The following EPHB1 variants were observed in gnomAD, a reference collection of about 807,000 sequenced individuals.
EPHB1 encodes EPH receptor B1.
A neutral mutation model predicts 94.4 loss-of-function variants in EPHB1; 30 were observed. The ratio of observed to expected loss-of-function variants is 0.32; its 90% CI spans 0.24 to 0.43. The LOEUF is 0.43. EPHB1 is among the 20% of genes least tolerant of loss of function. The pLI is 1.00. For missense variants in EPHB1, 1,055 were observed against 1,308.3 expected, an observed-to-expected ratio of 0.81 and a Z score of 2.99; for synonymous variants, 522 against 489.1, an observed-to-expected ratio of 1.07 and a Z score of -0.89.
intron 3 of EPHB1, among the ~76,000 whole-genome samples, chr3:134,970,697 C>T (rs950505851): frequency 5.3e-5 from 8 of 152,134 alleles, no homozygotes; most frequent in Admixed American, 1.3e-4. Flanking sequence ...CTAGGCCACA[C>T]GGCTGCAGAG....
chr3:135,125,258 C>G (rs907068711), intron 4 of EPHB1, among the ~76,000 whole-genome samples: 1 of 151,616 alleles, frequency 6.6e-6, no homozygotes, highest in Admixed American at 6.6e-5. Flanking sequence ...TAAAACAGGG[C>G]AACTCTTGCA....
At position 135,076,261 on chromosome 3, in the gene EPHB1, A is replaced by ATATATATATATATATATATG. The variant is rs1553729687; in HGVS notation, c.806-30187_806-30186insTATATATATATATATATATG. Among the ~76,000 whole-genome samples the ATATATATATATATATATATG allele has an allele frequency of 1.4e-3, 156 of 112,540 alleles. 1 individual carries two copies. Among genetic ancestry groups the ATATATATATATATATATATG allele is most frequent in the East Asian group, 4.2e-3 (19 of 4,478 alleles). The allele number at this position is 112,540 out of a possible 152,430, so 73.8% of individuals were successfully genotyped here. The stretch of plus-strand genomic sequence containing the variant: ...TATATATATATATATATATATATAT[A>ATATATATATATATATATATG]ACTCTTAAATGCATTAGTAAAAAGT... On this transcript the variant is annotated intron_variant, in intron 3 of 15. Transcript: ENST00000398015.
In EPHB1 at chr3:134,908,769, A is replaced by T. The variant is rs577047016; in HGVS notation, c.59-17047A>T. 1.1e-3 allele frequency among the ~76,000 whole-genome samples: 171 copies of T among 152,094 alleles called. 3 individuals carry two copies. The highest frequency in any genetic ancestry group is 8.8e-4 in the Non-Finnish European group (60 of 67,968). On this transcript the variant is annotated intron_variant, in intron 1 of 15. Transcript: ENST00000398015. ...GAGGTGAGGAGGGGGAGGAGGAGGAAGGTGAGGGCAATGAGGAAGGGCACC... is the reference window on the plus strand; with the variant it reads ...GAGGTGAGGAGGGGGAGGAGGAGGATGGTGAGGGCAATGAGGAAGGGCACC...
chr3:134,874,722 C>T (rs909902937), intron 1 of EPHB1, among the ~76,000 whole-genome samples: 6 of 152,180 alleles, frequency 3.9e-5, no homozygotes, highest in Admixed American at 3.3e-4. Context: ...CACTTCTCAC[C>T]AGAAAGCACA....
chr3:135,062,241 C>G (rs1937522783), intron 3 of EPHB1, among the ~76,000 whole-genome samples: 1 of 152,142 alleles, frequency 6.6e-6, no homozygotes, highest in Non-Finnish European at 1.5e-5. Flanking sequence ...GGTAGTTCTA[C>G]TTTTAGTTAT....
intron 4 of EPHB1, among the ~76,000 whole-genome samples, chr3:135,132,043 C>A (rs1940438469): frequency 6.6e-6 from 1 of 152,184 alleles, no homozygotes; most frequent in Non-Finnish European, 1.5e-5. Flanking sequence ...TATAAAGCAG[C>A]TAGCAGAATG....
chr3:135,237,321 C>CA (rs1419574680), intron 12 of EPHB1, among the ~76,000 whole-genome samples: 2 of 151,422 alleles, frequency 1.3e-5, no homozygotes, highest in African/African-American at 4.9e-5. Flanking sequence ...CAGACAGACA[C>CA]AAAATCTTAA....
chr3:135,128,972 T>C (rs972654423), intron 4 of EPHB1, among the ~76,000 whole-genome samples: 1 of 152,264 alleles, frequency 6.6e-6, no homozygotes, highest in African/African-American at 2.4e-5. Flanking sequence ...CCTAGCCCTC[T>C]GAGTCCATTC....
chr3:134,837,383 T>C (rs748527778), intron 1 of EPHB1, among the ~76,000 whole-genome samples: 27 of 152,256 alleles, frequency 1.8e-4, no homozygotes, highest in Non-Finnish European at 3.8e-4. Flanking sequence ...TAAAATCCAG[T>C]TTATTGTCAA....
chr3:135,081,688 G>A (rs1267299652), intron 3 of EPHB1, among the ~76,000 whole-genome samples: 2 of 152,176 alleles, frequency 1.3e-5, no homozygotes, highest in South Asian at 2.1e-4. Flanking sequence ...AGAGGCTGGT[G>A]TTCTGGGAAA....
At chr3:135,162,876 A>C (rs1051536484) in intron 7 of EPHB1, among the ~76,000 whole-genome samples, 24 of 152,218 alleles carry the variant, frequency 1.6e-4, no homozygotes, top group African/African-American at 5.5e-4. Flanking sequence ...CAAGTGATCT[A>C]TCTGACTGTG....
chr3:135,017,615 C>A (rs574449414), intron 3 of EPHB1, among the ~76,000 whole-genome samples: 1 of 152,110 alleles, frequency 6.6e-6, no homozygotes, highest in South Asian at 2.1e-4. Flanking sequence ...CCCTCCCAGT[C>A]GTGGTTGGTG....
intron 1 of EPHB1, among the ~76,000 whole-genome samples, chr3:134,867,383 G>A (rs1177779514): frequency 6.6e-6 from 1 of 152,166 alleles, no homozygotes; most frequent in Non-Finnish European, 1.5e-5. Flanking sequence ...TCAGTAAAGG[G>A]GTTGGTGCCA....
intron 3 of EPHB1, among the ~76,000 whole-genome samples, chr3:134,995,212 T>G (rs1175986015): frequency 6.6e-6 from 1 of 152,238 alleles, no homozygotes; most frequent in African/African-American, 2.4e-5. Context: ...CAAGGTGCTG[T>G]ATAAATGGAA....
intron 3 of EPHB1, among the ~76,000 whole-genome samples, chr3:135,040,932 G>A (rs1327910059): frequency 2.0e-5 from 3 of 152,152 alleles, no homozygotes; most frequent in East Asian, 1.9e-4. Context: ...CTACCACATC[G>A]GAATTTTATG....
Position 134,882,815 on chromosome 3 carries a change from T to TTTC in EPHB1, c.59-42998_59-42996dup, listed in dbSNP as rs147238280. 5.4e-5 allele frequency among the ~76,000 whole-genome samples: 2 copies of TTTC among 37,164 alleles called. 1 individual carries two copies. The highest frequency in any genetic ancestry group is 1.5e-4 in the Non-Finnish European group (2 of 13,422). The allele number at this position is 37,164 out of a possible 152,430, so 24.4% of individuals were successfully genotyped here. A position where few individuals can be genotyped will look rare whatever the true frequency, so the allele number is the denominator to read the frequency against. ...CTTTCTTTCTTTCTTTCTTTCTTTC[T>TTTC]TTCTTTCTTTTCTTTCTTTCTTTCT... is the stretch of plus-strand genomic sequence containing the variant. On this transcript the variant is annotated intron_variant, in intron 1 of 15. Transcript: ENST00000398015.
At chr3:135,151,052 A>T (rs138210840) in intron 5 of EPHB1, among the ~76,000 whole-genome samples, 335 of 152,318 alleles carry the variant, frequency 2.2e-3, no homozygotes, top group African/African-American at 7.3e-3. Context: ...TAGATTCAGA[A>T]TCTGCCTACT....
intron 3 of EPHB1, among the ~76,000 whole-genome samples, chr3:135,081,570 C>A (rs998547157): frequency 6.6e-6 from 1 of 152,148 alleles, no homozygotes. Context: ...GTCATGTCTG[C>A]CAAAACCCAT....
At chr3:135,071,152 C>G (rs1175483294) in intron 3 of EPHB1, among the ~76,000 whole-genome samples, 3 of 152,200 alleles carry the variant, frequency 2.0e-5, no homozygotes, top group African/African-American at 7.2e-5. Context: ...TGGCACAAGG[C>G]TTTTAAACTT....
Sources: gnomAD v4.1 joint callset for allele counts (sites outside exome capture counted in the v4.1 genomes callset) on GRCh38, gnomAD v4.1.1 for gene constraint, MANE v1.5 for transcripts, NCBI Gene and HGNC (gene_info 2026-07-23, HGNC 2026-07-21) for gene names.